Variants in FAM81A observed in about 807,000 individuals in gnomAD.
The protein encoded by FAM81A is family with sequence similarity 81 member A, also known as protein FAM81A.
A neutral mutation model predicts 46.7 loss-of-function variants in FAM81A; 19 were observed. The observed-to-expected ratio is 0.41, with a 90% CI of 0.28 to 0.60. The LOEUF (loss-of-function observed/expected upper bound fraction) is 0.60, where lower values mean the gene tolerates loss of function less well. Ranked by LOEUF, FAM81A falls within the 20% of genes least tolerant of loss-of-function variation. The pLI is 0.34. For missense variants in FAM81A, 377 were observed against 453.5 expected (o/e 0.83, Z 1.53); for synonymous variants, 183 against 152.9 (o/e 1.20, Z -1.45).
At chr15:59,488,758 CTT>C (rs1354522407) in intron 3 of FAM81A, among the ~76,000 whole-genome samples, 137 of 151,990 alleles carry the variant, frequency 9.0e-4, no homozygotes, top group African/African-American at 3.1e-3. Flanking sequence ...GGGCAGATTA[CTT>C]GAGCTCAGGA....
intron 2 of FAM81A, among the ~76,000 whole-genome samples, chr15:59,407,414 C>T (rs1361891022): frequency 6.6e-6 from 1 of 151,390 alleles, no homozygotes; most frequent in African/African-American, 2.4e-5. Flanking sequence ...CCTGCCTCAG[C>T]CTCCCCAGTA....
intron 6 of FAM81A, among the ~76,000 whole-genome samples, chr15:59,511,453 C>T (rs1333197903): frequency 6.6e-6 from 1 of 152,140 alleles, no homozygotes; most frequent in East Asian, 1.9e-4. Flanking sequence ...GGGTTCACAT[C>T]AGATATGTGA....
chr15:59,511,311 G>T (rs1427367931), intron 6 of FAM81A, among the ~76,000 whole-genome samples: 1 of 152,112 alleles, frequency 6.6e-6, no homozygotes, highest in African/African-American at 2.4e-5. Context: ...ATTCTTAGGA[G>T]TTTTTCAGGA....
intron 1 of FAM81A, among the ~76,000 whole-genome samples, chr15:59,443,300 T>G (rs1300021209): frequency 6.6e-6 from 1 of 152,182 alleles, no homozygotes; most frequent in African/African-American, 2.4e-5. Flanking sequence ...CAGGCTGGTC[T>G]TGAACTCCTG....
At chr15:59,399,111 G>A (rs1455049095) in intron 1 of FAM81A, among the ~76,000 whole-genome samples, 4 of 152,138 alleles carry the variant, frequency 2.6e-5, no homozygotes, top group African/African-American at 7.2e-5. Context: ...GGAGGTTATG[G>A]TAAGACGAGA....
upstream of FAM81A, among the ~76,000 whole-genome samples, chr15:59,437,132 C>T (rs1286496661): frequency 2.0e-5 from 3 of 152,168 alleles, no homozygotes; most frequent in Admixed American, 6.5e-5. Context: ...ACACAAATAA[C>T]AGTCCTTAAT....
At chr15:59,476,154 A>G (rs1261035765) in intron 3 of FAM81A, among the ~76,000 whole-genome samples, 1 of 152,078 alleles carries the variant, frequency 6.6e-6, no homozygotes, top group Non-Finnish European at 1.5e-5. Context: ...TTCTACCCTC[A>G]TGACCTAATC....
At position 59,522,015 on chromosome 15, in the gene FAM81A, CTTA is replaced by C. The variant is rs2082333004; in HGVS notation, c.*640_*642del. The C allele has an allele frequency of 6.6e-6, 1 of 152,448 alleles. No individual in the cohort carries two copies. Among genetic ancestry groups the C allele is most frequent in the East Asian group, 1.9e-4 (1 of 5,194 alleles). The allele number at this position is 152,448 out of a possible 1,614,324, so 9.4% of individuals were successfully genotyped here. On this transcript the variant is annotated 3_prime_UTR_variant, in exon 9 of 9. Transcript: ENST00000288228. ...ATGTGGATTGCAAATTAAATGGAAACTTATTTAGATAACGTAAGGCTCAATATC... is the reference window on the plus strand; with the variant it reads ...ATGTGGATTGCAAATTAAATGGAAACTTTAGATAACGTAAGGCTCAATATC...
chr15:59,508,592 G>C (rs2082172986), intron 5 of FAM81A, among the ~76,000 whole-genome samples: 1 of 152,184 alleles, frequency 6.6e-6, no homozygotes, highest in Non-Finnish European at 1.5e-5. Context: ...TTGCGGTCTT[G>C]GGTAGGAATT....
chr15:59,496,563 C>T (rs150226625), intron 4 of FAM81A, among the ~76,000 whole-genome samples: 49 of 152,170 alleles, frequency 3.2e-4, no homozygotes, highest in African/African-American at 1.1e-3. Context: ...CAAGATCTCG[C>T]CACTGCACTC....
intron 3 of FAM81A, among the ~76,000 whole-genome samples, chr15:59,485,640 T>C (rs2081908959): frequency 6.6e-6 from 1 of 152,182 alleles, no homozygotes; most frequent in Non-Finnish European, 1.5e-5. Context: ...TTTGAATATC[T>C]GGAAAGCCTT....
intron 3 of FAM81A, among the ~76,000 whole-genome samples, chr15:59,471,540 G>A (rs2081690244): frequency 6.6e-6 from 1 of 151,678 alleles, no homozygotes. Flanking sequence ...ATAACTCACT[G>A]CAGCGTCAAA....
chr15:59,414,172 T>C (rs1338372155), intron 2 of FAM81A, among the ~76,000 whole-genome samples: 1 of 152,188 alleles, frequency 6.6e-6, no homozygotes, highest in Non-Finnish European at 1.5e-5. Context: ...CAGGCTCATC[T>C]TGAGCTCCTG....
upstream of FAM81A, among the ~76,000 whole-genome samples, chr15:59,435,402 C>T (rs2081238911): frequency 6.6e-6 from 1 of 151,868 alleles, no homozygotes; most frequent in Admixed American, 6.6e-5. Flanking sequence ...GGCGGATCAC[C>T]TGAGGTCAGG....
intron 4 of FAM81A, among the ~76,000 whole-genome samples, chr15:59,494,632 G>GT (rs2082015423): frequency 6.6e-6 from 1 of 151,978 alleles, no homozygotes; most frequent in Admixed American, 6.6e-5. Context: ...TTTTTGCTTT[G>GT]TTTTTTTGGC....
At chr15:59,435,926 A>G (rs2081241113), upstream of FAM81A, among the ~76,000 whole-genome samples, 1 of 152,040 alleles carries the variant, frequency 6.6e-6, no homozygotes, top group South Asian at 2.1e-4. Flanking sequence ...TTGGAAAGAA[A>G]CTAGTGTAGG....
rs2082167001 is a variant in FAM81A, at chr15:59,507,956, T to C, written c.543+614T>C. 2.0e-5 allele frequency among the ~76,000 whole-genome samples: 3 copies of C among 152,366 alleles called. No homozygotes were observed. In the South Asian group the frequency reaches 6.2e-4, roughly 32 times the overall value. Reference sequence around the variant, plus strand: ...TCTACAATATCTGCCTTATTTGCTATTGTTCGTTTAAAGAGACTATTCCAG... The same window carrying C: ...TCTACAATATCTGCCTTATTTGCTACTGTTCGTTTAAAGAGACTATTCCAG... On this transcript the variant is annotated intron_variant, in intron 5 of 8. Transcript: ENST00000288228.
At chr15:59,457,200 TAA>T (rs752431137) in intron 1 of FAM81A, among the ~76,000 whole-genome samples, 22 of 152,318 alleles carry the variant, frequency 1.4e-4, no homozygotes, top group Non-Finnish European at 2.5e-4. Flanking sequence ...AAACAATTCA[TAA>T]GTTTTAAATT....
intron 3 of FAM81A, among the ~76,000 whole-genome samples, chr15:59,477,393 G>A (rs118112132): frequency 0.035 from 5,342 of 152,044 alleles, 136 homozygotes; most frequent in Non-Finnish European, 0.052. Flanking sequence ...ATCCCTGCAG[G>A]TGATTTTATA....
Sources: gnomAD v4.1 joint callset for allele counts (sites outside exome capture counted in the v4.1 genomes callset) on GRCh38, gnomAD v4.1.1 for gene constraint, MANE v1.5 for transcripts, NCBI Gene and HGNC (gene_info 2026-07-23, HGNC 2026-07-21) for gene names.